The following PDE7A variants were observed in gnomAD, a reference collection of about 807,000 sequenced individuals.
The protein encoded by PDE7A is high affinity 3',5'-cyclic-AMP phosphodiesterase 7A.
PDE7A carries 39 observed loss-of-function variants against 64.3 expected under a neutral mutation model. The observed-to-expected ratio is 0.61, with a 90% CI of 0.47 to 0.79. The LOEUF (loss-of-function observed/expected upper bound fraction) is 0.79. PDE7A is among the 30% of genes least tolerant of loss of function. The pLI is 0.00. For missense variants in PDE7A, 470 were observed against 582.8 expected (o/e 0.81, Z 1.99); for synonymous variants, 203 against 206.8 (o/e 0.98, Z 0.16).
chr8:65,825,178 A>G (rs1810641452), intron 1 of PDE7A, among the ~76,000 whole-genome samples: 1 of 152,222 alleles, frequency 6.6e-6, no homozygotes, highest in Non-Finnish European at 1.5e-5. Flanking sequence ...TCTCAGTGGA[A>G]GAACTATGGA....
At chr8:65,798,538 A>C (rs758856627) in intron 1 of PDE7A, among the ~76,000 whole-genome samples, 1 of 152,118 alleles carries the variant, frequency 6.6e-6, no homozygotes, top group Non-Finnish European at 1.5e-5. Context: ...TAACTTAATA[A>C]GACAACCCAA....
chr8:65,719,373 T>C lies in PDE7A; in HGVS notation c.1366A>G (p.Arg456Gly), dbSNP rs1248608097. The change falls in exon 13 of 13, where the codon AGA becomes GGA. Residue 456 changes from arginine to glycine, a missense_variant. Coordinates refer to ENST00000401827, the MANE Select transcript of PDE7A (RefSeq NM_001242318.3). ...GTGTCCTCACTGCTCGACTGTTCTC[T>C]CTGCAGTCCCTTCCAGCTGGCTTTA... is the stretch of plus-strand genomic sequence containing the variant. ...LNKASWKGLQREQSSSEDTDA... is the reference protein window; with the variant it reads ...LNKASWKGLQGEQSSSEDTDA... 1 of 1,614,038 alleles carries C rather than the reference T, an allele frequency of 6.2e-7. No homozygotes were observed. Among genetic ancestry groups the C allele is most frequent in the Non-Finnish European group, 8.5e-7 (1 of 1,179,860 alleles).
chr8:65,738,274 C>CAA (rs56981146), intron 6 of PDE7A, among the ~76,000 whole-genome samples: 59,312 of 151,792 alleles, frequency 0.39, 12,183 homozygotes, highest in East Asian at 0.62. Context: ...TGTATATAAC[C>CAA]AAATAAATTA....
chr8:65,754,565 T>C (rs1808125845), intron 3 of PDE7A, among the ~76,000 whole-genome samples: 1 of 151,212 alleles, frequency 6.6e-6, no homozygotes. Flanking sequence ...CTCGAACTCC[T>C]GACCTTGTGA....
chr8:65,728,608 T>C (rs1275323809), intron 7 of PDE7A: 2 of 152,204 alleles, frequency 1.3e-5, no homozygotes, highest in Non-Finnish European at 2.9e-5. Context: ...AAGCGCTGCT[T>C]ACTAATCAAG....
chr8:65,773,051 G>C (rs2128921502), intron 3 of PDE7A, among the ~76,000 whole-genome samples: 1 of 152,222 alleles, frequency 6.6e-6, no homozygotes, highest in East Asian at 1.9e-4. Flanking sequence ...AACTCCTGCA[G>C]AGAACAAGTT....
At chr8:65,735,693 A>G (rs1023820708) in intron 6 of PDE7A, among the ~76,000 whole-genome samples, 1 of 152,114 alleles carries the variant, frequency 6.6e-6, no homozygotes, top group Non-Finnish European at 1.5e-5. Flanking sequence ...GCATGATCTC[A>G]GCTAACTGTG....
At chr8:65,780,908 C>T (rs1809397323) in intron 2 of PDE7A, 1 of 152,236 alleles carries the variant, frequency 6.6e-6, no homozygotes, top group African/African-American at 2.4e-5. Flanking sequence ...AATTCCATCC[C>T]ACAATGACTA....
chr8:65,812,869 G>A (rs544615985), intron 1 of PDE7A, among the ~76,000 whole-genome samples: 7 of 152,172 alleles, frequency 4.6e-5, no homozygotes, highest in East Asian at 1.9e-4. Flanking sequence ...CTCACTGCCA[G>A]TAAGGGTATG....
chr8:65,814,569 A>G (rs923530911), intron 1 of PDE7A, among the ~76,000 whole-genome samples: 4 of 129,096 alleles, frequency 3.1e-5, no homozygotes, highest in South Asian at 3.9e-4. Flanking sequence ...TAATACGTAC[A>G]CATATAATAC....
intron 3 of PDE7A, among the ~76,000 whole-genome samples, chr8:65,750,033 TG>T (rs35241703): frequency 1 from 152,326 of 152,326 alleles, 76,163 homozygotes; most frequent in Non-Finnish European, 1. Context: ...CATGAATATG[TG>T]GGGGAGGAGA....
At position 65,727,552 on chromosome 8, in the gene PDE7A, AT is replaced by A. The variant is rs1439004311; in HGVS notation, c.697-252del. ...AGTTTACAGAGTTCATCCTTAGGCC[AT>A]TTCATTTTTAACAAGCTTAATTAAA... On this transcript the variant is annotated intron_variant, in intron 7 of 12. Transcript: ENST00000401827. 3 of 337,500 alleles carry A rather than the reference AT, an allele frequency of 8.9e-6. No individual in the cohort carries two copies. The Admixed American group carries it at 1.4e-4, about 16-fold the overall frequency. The allele number at this position is 337,500 out of a possible 1,614,324, so 20.9% of individuals were successfully genotyped here. A position where few individuals can be genotyped will look rare whatever the true frequency, so the allele number is the denominator to read the frequency against.
intron 1 of PDE7A, among the ~76,000 whole-genome samples, chr8:65,798,206 A>ATTTTTTTTT (rs1554568896): frequency 5.4e-5 from 4 of 73,810 alleles, no homozygotes; most frequent in Admixed American, 1.6e-4. Flanking sequence ...ATATATATAT[A>ATTTTTTTTT]TTTTTTTTTT....
intron 1 of PDE7A, among the ~76,000 whole-genome samples, chr8:65,800,289 T>G (rs1809957538): frequency 6.6e-6 from 1 of 152,182 alleles, no homozygotes. Flanking sequence ...CCCTAGCCAG[T>G]TAACATTTTT....
chr8:65,801,271 A>G (rs1234128241), intron 1 of PDE7A, among the ~76,000 whole-genome samples: 1 of 152,228 alleles, frequency 6.6e-6, no homozygotes, highest in East Asian at 1.9e-4. Context: ...ACAATGGACT[A>G]GTTTAGAAAC....
At chr8:65,821,361 A>AT (rs1810537129) in intron 1 of PDE7A, among the ~76,000 whole-genome samples, 1 of 151,814 alleles carries the variant, frequency 6.6e-6, no homozygotes, top group Admixed American at 6.6e-5. Context: ...TAAAATAGCA[A>AT]TTTAAGGTTA....
At chr8:65,727,391 A>C in intron 7 of PDE7A, 90 bp from the exon 8 acceptor site, 1 of 1,543,064 alleles carries the variant, frequency 6.5e-7, no homozygotes. Context: ...AGCCAATGGT[A>C]GTGGTGGTAA....
intron 1 of PDE7A, among the ~76,000 whole-genome samples, chr8:65,822,142 T>C (rs763001523): frequency 3.9e-5 from 6 of 152,230 alleles, no homozygotes; most frequent in Non-Finnish European, 7.3e-5. Context: ...ACCCATCTAT[T>C]AAAGAAAGAA....
intron 3 of PDE7A, among the ~76,000 whole-genome samples, chr8:65,768,373 T>C (rs774760699): frequency 6.6e-6 from 1 of 152,172 alleles, no homozygotes; most frequent in Non-Finnish European, 1.5e-5. Flanking sequence ...TAGGAGGTAG[T>C]TGAATCATGG....
Sources: allele counts gnomAD v4.1 joint callset (sites outside exome capture counted in the v4.1 genomes callset), GRCh38; gene constraint gnomAD v4.1.1; transcripts MANE v1.5; gene names NCBI Gene and HGNC (gene_info 2026-07-23, HGNC 2026-07-21).